KALRN: variants seen among roughly 807,000 people sequenced by gnomAD.
KALRN encodes kalirin RhoGEF kinase.
In KALRN, 70 loss-of-function variants were observed where a neutral mutation model predicts 353.7. The ratio of observed to expected loss-of-function variants is 0.20; its 90% confidence interval spans 0.16 to 0.24. The LOEUF (loss-of-function observed/expected upper bound fraction) is 0.24. KALRN is among the 10% of genes least tolerant of loss of function. The pLI, the probability that KALRN is intolerant of heterozygous loss-of-function variation, is 1.00. For missense variants in KALRN, 2,791 were observed against 3,756.7 expected (o/e 0.74, Z 6.72); for synonymous variants, 1,391 against 1,434.8 (o/e 0.97, Z 0.69).
At chr3:124,177,397 G>A (rs2072935792) in intron 1 of KALRN, among the ~76,000 whole-genome samples, 1 of 152,186 alleles carries the variant, frequency 6.6e-6, no homozygotes, top group South Asian at 2.1e-4. Flanking sequence ...TCCTAAAACA[G>A]CAAGTCTTTT....
intron 1 of KALRN, among the ~76,000 whole-genome samples, chr3:124,143,143 A>C (rs2066843537): frequency 6.6e-6 from 1 of 152,086 alleles, no homozygotes; most frequent in African/African-American, 2.4e-5. Flanking sequence ...TGGGAAGGGG[A>C]AATGTTATTG....
intron 14 of KALRN, among the ~76,000 whole-genome samples, chr3:124,421,857 G>T (rs1041742811): frequency 6.6e-6 from 1 of 152,180 alleles, no homozygotes; most frequent in African/African-American, 2.4e-5. Context: ...CTGTGCTCAT[G>T]AATTTGGAAA....
At chr3:124,556,291 G>A (rs2071233740) in intron 33 of KALRN, among the ~76,000 whole-genome samples, 1 of 152,198 alleles carries the variant, frequency 6.6e-6, no homozygotes, top group Non-Finnish European at 1.5e-5. Context: ...GTAAGCTTTA[G>A]CCTCTTAATT....
chr3:124,633,601 AAGAT>A (rs1301441827), intron 35 of KALRN, among the ~76,000 whole-genome samples: 1 of 150,826 alleles, frequency 6.6e-6, no homozygotes, highest in African/African-American at 2.5e-5. Context: ...GCTAATCGAT[AAGAT>A]AGATAGTTTC....
chr3:124,476,642 C>T (rs937813402), intron 26 of KALRN, among the ~76,000 whole-genome samples: 8 of 152,082 alleles, frequency 5.3e-5, no homozygotes, highest in South Asian at 2.1e-4. Context: ...TTCACCCAGC[C>T]GTAAGGTTCT....
chr3:124,699,700 C>T (rs993436124), intron 55 of KALRN, among the ~76,000 whole-genome samples, 169 bp from the exon 56 acceptor site: 6 of 152,188 alleles, frequency 3.9e-5, no homozygotes, highest in Non-Finnish European at 8.8e-5. Context: ...TTTAGGAAAC[C>T]GAATCCAAAC....
intron 5 of KALRN, among the ~76,000 whole-genome samples, chr3:124,296,227 T>C (rs2076833314): frequency 6.6e-6 from 1 of 152,188 alleles, no homozygotes; most frequent in Admixed American, 6.5e-5. Flanking sequence ...CTTGAAACTC[T>C]CACAGGCCTC....
intron 34 of KALRN, among the ~76,000 whole-genome samples, chr3:124,589,330 C>T (rs1481049947): frequency 6.6e-6 from 1 of 152,100 alleles, no homozygotes; most frequent in East Asian, 1.9e-4. Flanking sequence ...TTTAATTCAC[C>T]ATCCACTGTA....
chr3:124,100,737 C>A (rs373477069), intron 1 of KALRN, among the ~76,000 whole-genome samples: 12 of 152,260 alleles, frequency 7.9e-5, no homozygotes, highest in Admixed American at 2.6e-4. Flanking sequence ...CAGAAACCAG[C>A]TGTTCTCACC....
intron 34 of KALRN, chr3:124,584,773 C>A: frequency 6.4e-7 from 1 of 1,564,410 alleles, no homozygotes; most frequent in South Asian, 1.2e-5. Context: ...CGCTCTCACC[C>A]CGGGCTGGCG....
intron 34 of KALRN, among the ~76,000 whole-genome samples, chr3:124,599,770 G>A (rs1164399699): frequency 6.6e-6 from 1 of 152,196 alleles, no homozygotes; most frequent in Non-Finnish European, 1.5e-5. Flanking sequence ...AACCTTTTAA[G>A]GTTTTTTCCA....
chr3:124,638,377 G>A (rs572826817), intron 37 of KALRN, among the ~76,000 whole-genome samples: 47 of 150,056 alleles, frequency 3.1e-4, no homozygotes, highest in Non-Finnish European at 6.3e-4. Flanking sequence ...AGTACCTAGT[G>A]TCAAACTCCT....
intron 6 of KALRN, among the ~76,000 whole-genome samples, chr3:124,312,141 T>G (rs1219536819): frequency 1.3e-5 from 2 of 152,172 alleles, no homozygotes; most frequent in African/African-American, 4.8e-5. Context: ...ATTATGCACT[T>G]TTTATTTTAT....
chr3:124,670,671 A>G (rs2086305490), intron 47 of KALRN, among the ~76,000 whole-genome samples: 1 of 152,240 alleles, frequency 6.6e-6, no homozygotes. Context: ...CCACTTAAAT[A>G]GCTGTTACAG....
chr3:124,413,329 T>C lies in KALRN; in HGVS notation c.2347-141T>C, dbSNP rs1389928800. The stretch of plus-strand genomic sequence containing the variant: ...AGAGTGCATGGCAATGTTGCTTAAA[T>C]AGTCTAAGGGTTGAAGAATTCCAAA... On this transcript the variant is annotated intron_variant, in intron 13 of 59. Transcript: ENST00000682506. The C allele has an allele frequency of 1.2e-5, 8 of 676,058 alleles. No individual in the cohort carries two copies. The African/African-American group carries it at 1.3e-4, about 11-fold the overall frequency. 41.9% of individuals were successfully genotyped at this position (676,058 alleles called of 1,614,324 possible).
intron 1 of KALRN, among the ~76,000 whole-genome samples, chr3:124,185,663 T>C (rs914291127): frequency 6.6e-6 from 1 of 152,184 alleles, no homozygotes; most frequent in Non-Finnish European, 1.5e-5. Context: ...ATGAGATGCC[T>C]TCAGCTCAGG....
chr3:124,694,198 C>G, intron 52 of KALRN, 134 bp from the exon 53 acceptor site: 2 of 805,756 alleles, frequency 2.5e-6, no homozygotes, highest in Non-Finnish European at 4.0e-6. Context: ...AGATGACTCA[C>G]CAGTGTTATA....
At chr3:124,114,239 G>T (rs1332645731) in intron 1 of KALRN, among the ~76,000 whole-genome samples, 1 of 152,150 alleles carries the variant, frequency 6.6e-6, no homozygotes, top group Non-Finnish European at 1.5e-5. Context: ...AGCACCCCTT[G>T]GTACCTGTTT....
chr3:124,077,620 C>T (rs1358042075), intron 1 of KALRN, among the ~76,000 whole-genome samples: 2 of 152,190 alleles, frequency 1.3e-5, no homozygotes, highest in Non-Finnish European at 2.9e-5. Flanking sequence ...CTTGCCAGTT[C>T]TACCGCCACT....
Sources: gnomAD v4.1 joint callset for allele counts (sites outside exome capture counted in the v4.1 genomes callset) on GRCh38, gnomAD v4.1.1 for gene constraint, MANE v1.5 for transcripts, NCBI Gene and HGNC (gene_info 2026-07-23, HGNC 2026-07-21) for gene names.